The following RASSF3 variants were observed in gnomAD, a reference collection of about 807,000 sequenced individuals.
RASSF3 encodes the protein ras association domain-containing protein 3.
In RASSF3, 19 loss-of-function variants were observed where a neutral mutation model predicts 19.9. The ratio of observed to expected loss-of-function variants is 0.96; its 90% CI spans 0.67 to 1.40. The LOEUF (loss-of-function observed/expected upper bound fraction) is 1.40. RASSF3 is among the 40% of genes most tolerant of loss of function. The pLI, the probability that RASSF3 is intolerant of heterozygous loss-of-function variation, is 0.00. For synonymous variants in RASSF3, 110 were observed against 104.2 expected (o/e 1.06, Z -0.34); for missense variants, 306 against 289.8 (o/e 1.06, Z -0.41).
intron 1 of RASSF3, among the ~76,000 whole-genome samples, chr12:64,623,861 C>A (rs55727547): frequency 6.6e-6 from 1 of 151,846 alleles, no homozygotes; most frequent in African/African-American, 2.4e-5. Context: ...GTTGGCCAGA[C>A]TGGCCTCAAA....
At chr12:64,660,026 GTA>G (rs1555214872) in intron 1 of RASSF3, among the ~76,000 whole-genome samples, 2 of 144,174 alleles carry the variant, frequency 1.4e-5, no homozygotes, top group Admixed American at 7.1e-5. Flanking sequence ...GTGTGTGTGT[GTA>G]TGTGTATATA....
chr12:64,583,893 T>C (rs1365973073), intron 2 of RASSF3, among the ~76,000 whole-genome samples: 1 of 152,232 alleles, frequency 6.6e-6, no homozygotes, highest in African/African-American at 2.4e-5. Context: ...ATCTGTGCTA[T>C]CAATTTCTGA....
chr12:64,670,183 C>G (rs1161668206), intron 1 of RASSF3, among the ~76,000 whole-genome samples: 4 of 152,130 alleles, frequency 2.6e-5, no homozygotes, highest in African/African-American at 9.7e-5. Context: ...GACGGACAGC[C>G]TTGTGGCGTT....
chr12:64,598,246 G>A (rs1049903110), intron 2 of RASSF3, among the ~76,000 whole-genome samples: 4 of 152,118 alleles, frequency 2.6e-5, no homozygotes, highest in African/African-American at 9.7e-5. Flanking sequence ...ACATTCTTCT[G>A]ACTTTGGCTT....
At chr12:64,534,486 T>C (rs181584620) in intron 1 of RASSF3, among the ~76,000 whole-genome samples, 64 of 152,240 alleles carry the variant, frequency 4.2e-4, no homozygotes, top group African/African-American at 1.4e-3. Flanking sequence ...CAGAGTGAGA[T>C]ACTGTCTCAA....
intron 2 of RASSF3, among the ~76,000 whole-genome samples, chr12:64,574,697 G>A (rs977978815): frequency 7.2e-5 from 11 of 152,194 alleles, no homozygotes; most frequent in South Asian, 6.2e-4. Context: ...TATGAAATGC[G>A]TAGAACATGA....
At chr12:64,684,731 T>C in intron 1 of RASSF3, 56 bp from the exon 2 acceptor site, 1 of 1,230,832 alleles carries the variant, frequency 8.1e-7, no homozygotes. Flanking sequence ...GCGCCCGGCC[T>C]ATCCGCACTT....
At chr12:64,676,084 G>A (rs185856344) in intron 1 of RASSF3, among the ~76,000 whole-genome samples, 47 of 151,758 alleles carry the variant, frequency 3.1e-4, no homozygotes, top group African/African-American at 1.1e-3. Context: ...GCAGCAAGCA[G>A]CACACTGTAC....
chr12:64,522,625 A>G (rs762012214), intron 1 of RASSF3, among the ~76,000 whole-genome samples: 16 of 152,150 alleles, frequency 1.1e-4, no homozygotes, highest in Non-Finnish European at 1.5e-4. Context: ...TTTTTTACTA[A>G]GAGGATTGAG....
intron 1 of RASSF3, among the ~76,000 whole-genome samples, chr12:64,655,502 C>G (rs1365044409): frequency 6.6e-6 from 1 of 151,896 alleles, no homozygotes; most frequent in Non-Finnish European, 1.5e-5. Flanking sequence ...AAAATAGAGA[C>G]AGGGTCTCAG....
intron 2 of RASSF3, among the ~76,000 whole-genome samples, chr12:64,553,275 A>G (rs79635063): frequency 6.6e-6 from 1 of 152,278 alleles, no homozygotes; most frequent in African/African-American, 2.4e-5. Context: ...TAATTACACT[A>G]GGTTCAGTTT....
chr12:64,673,063 C>T lies in RASSF3; in HGVS notation c.112-11724C>T, dbSNP rs563838990. ...AATGAGCCTGTTCATTTCCTTTCTC[C>T]GGAAACTGTCCTTATCACTGAGGTT... On this transcript the variant is annotated intron_variant, in intron 1 of 4. Transcript: ENST00000542104. Among the ~76,000 whole-genome samples, 31 of 152,294 alleles carry T rather than the reference C, an allele frequency of 2.0e-4. No homozygotes were observed. In the South Asian group the frequency reaches 3.5e-3, roughly 17 times the overall value.
intron 2 of RASSF3, among the ~76,000 whole-genome samples, chr12:64,564,736 A>C (rs1565840135): frequency 6.6e-6 from 1 of 151,652 alleles, no homozygotes; most frequent in Non-Finnish European, 1.5e-5. Flanking sequence ...GCGTTATTGA[A>C]GAAAACAATG....
intron 1 of RASSF3, among the ~76,000 whole-genome samples, chr12:64,639,926 T>C (rs1261073164): frequency 1.3e-5 from 2 of 152,220 alleles, no homozygotes; most frequent in African/African-American, 2.4e-5. Context: ...CAGAGATCTT[T>C]TGAGGAAATG....
intron 3 of RASSF3, among the ~76,000 whole-genome samples, chr12:64,690,328 C>G (rs1243033218): frequency 6.6e-6 from 1 of 151,778 alleles, no homozygotes; most frequent in East Asian, 1.9e-4. Flanking sequence ...ATTACAAGTG[C>G]CCACCACCAT....
chr12:64,662,443 TA>T (rs1320521307), intron 1 of RASSF3, among the ~76,000 whole-genome samples: 2 of 150,954 alleles, frequency 1.3e-5, no homozygotes, highest in Non-Finnish European at 2.9e-5. Context: ...AAAAACAAGA[TA>T]AATGCCTAGA....
intron 1 of RASSF3, among the ~76,000 whole-genome samples, chr12:64,639,860 A>G (rs368591987): frequency 1.3e-5 from 2 of 152,268 alleles, no homozygotes; most frequent in East Asian, 3.8e-4. Context: ...GGAATCAATA[A>G]GAGAGCCACT....
At chr12:64,574,984 C>G (rs758375859) in intron 2 of RASSF3, among the ~76,000 whole-genome samples, 3 of 152,200 alleles carry the variant, frequency 2.0e-5, no homozygotes, top group Non-Finnish European at 4.4e-5. Context: ...TAAAAGCTTT[C>G]CTCTGAAACT....
intron 2 of RASSF3, among the ~76,000 whole-genome samples, chr12:64,550,884 A>G (rs1044580871): frequency 2.4e-4 from 37 of 151,334 alleles, no homozygotes; most frequent in African/African-American, 8.2e-4. Context: ...GCTCATGTCC[A>G]TAAAGCCCGA....
Sources: allele counts gnomAD v4.1 joint callset (sites outside exome capture counted in the v4.1 genomes callset), GRCh38; gene constraint gnomAD v4.1.1; transcripts MANE v1.5; gene names NCBI Gene and HGNC (gene_info 2026-07-23, HGNC 2026-07-21).